Variants in ADAMTSL4 observed in about 807,000 individuals in gnomAD.
ADAMTSL4 encodes the protein ADAMTS-like protein 4.
A neutral mutation model predicts 122.8 loss-of-function variants in ADAMTSL4; 97 were observed. The observed-to-expected ratio is 0.79, with a 90% CI of 0.67 to 0.93. The LOEUF (loss-of-function observed/expected upper bound fraction) is 0.93, where lower values mean the gene tolerates loss of function less well. Ranked by LOEUF, ADAMTSL4 falls within the 40% of genes least tolerant of loss-of-function variation. The probability of loss-of-function intolerance (pLI) is 0.00; values close to 1 mark genes in which losing one functional copy is unlikely to be tolerated. For missense variants in ADAMTSL4, 1,408 were observed against 1,453.5 expected, an observed-to-expected ratio of 0.97 and a Z score of 0.51; for synonymous variants, 592 against 568.0, an observed-to-expected ratio of 1.04 and a Z score of -0.60.
chr1:150,552,420 G>A lies in ADAMTSL4; in HGVS notation c.20+112G>A. The A allele has an allele frequency of 6.4e-7, 1 of 1,551,284 alleles. No homozygotes were observed. Among genetic ancestry groups the A allele is most frequent in the Non-Finnish European group, 8.8e-7 (1 of 1,133,556 alleles). ...CTGGGAGGGGCAGGGGAAGTGATGA[G>A]TAACTTCTGCTTTCTGAGAAGTTGG... On this transcript the variant is annotated intron_variant, in intron 3 of 18. Transcript: ENST00000271643. This position sits in a 1 kb window ranked among gnomAD's most constrained non-coding sequence, Gnocchi z 4.0.
At chr1:150,550,351 T>TGGGGGG in intron 2 of ADAMTSL4, 1 of 214,004 alleles carries the variant, frequency 4.7e-6, no homozygotes. Flanking sequence ...CAGGGGAGGG[T>TGGGGGG]GGGGTGGGAC....
intron 5 of ADAMTSL4, 21 bp downstream of exon 5, chr1:150,553,274 A>T: frequency 6.2e-7 from 1 of 1,610,810 alleles, no homozygotes; most frequent in Non-Finnish European, 8.5e-7. Flanking sequence ...TGGGTGGAAG[A>T]GGTGGGCCTT....
In ADAMTSL4 at chr1:150,553,039, C is replaced by G. The variant is rs747590395; in HGVS notation, c.220C>G (p.Pro74Ala). ...VQRRSRTCQLPTVQLHPSLPL... is the reference protein window; with the variant it reads ...VQRRSRTCQLATVQLHPSLPL... ...GCGCAGGAGCCGGACATGTCAGCTCCCTACAGTGCAGCTCCACCCGAGTCT... is the reference window on the plus strand; with the variant it reads ...GCGCAGGAGCCGGACATGTCAGCTCGCTACAGTGCAGCTCCACCCGAGTCT... Residue 74 changes from proline to alanine, a missense_variant, in exon 5 of 19, where the codon CCT becomes GCT. Transcript: ENST00000271643. The G allele has an allele frequency of 6.2e-7, 1 of 1,613,412 alleles. No individual in the cohort carries two copies. Among genetic ancestry groups the G allele is most frequent in the East Asian group, 2.2e-5 (1 of 44,868 alleles).
rs1263621369 is a variant in ADAMTSL4, at chr1:150,560,720, G to A, written c.*524G>A. On this transcript the variant is annotated 3_prime_UTR_variant, in exon 19 of 19. Coordinates refer to ENST00000271643, the MANE Select transcript of ADAMTSL4 (RefSeq NM_019032.6). Reference sequence around the variant, plus strand: ...GCCTCCCTAATTAGCTAGGGCTGGGGTCAGCCACTGCCAATCCTGCCTTAC... The same window carrying A: ...GCCTCCCTAATTAGCTAGGGCTGGGATCAGCCACTGCCAATCCTGCCTTAC... 1 of 170,420 alleles carries A rather than the reference G, an allele frequency of 5.9e-6. No individual in the cohort carries two copies. The highest frequency in any genetic ancestry group is 1.3e-5 in the Non-Finnish European group (1 of 77,350). The allele number at this position is 170,420 out of a possible 1,614,324, so 10.6% of individuals were successfully genotyped here.
At position 150,559,475 on chromosome 1, in the gene ADAMTSL4, C is replaced by T. The variant is rs1412574405; in HGVS notation, c.2943+9C>T. ...CCACGCCCTGGAGCCCAGTGAGTGT[C>T]TGGCTGCGCTGTCCTGCCCTGCTCA... is the stretch of plus-strand genomic sequence containing the variant. On this transcript the variant is annotated intron_variant, in intron 17 of 18. Coordinates refer to ENST00000271643, the MANE Select transcript of ADAMTSL4 (RefSeq NM_019032.6). The surrounding 1 kb of genome is among the most constrained non-coding windows in gnomAD (Gnocchi z 4.1). 4 of 1,612,924 alleles carry T rather than the reference C, an allele frequency of 2.5e-6. No individual in the cohort carries two copies. The South Asian group carries it at 3.3e-5, about 13-fold the overall frequency.
In ADAMTSL4 at chr1:150,559,855, G is replaced by C. The variant is rs144461282; in HGVS notation, c.3038G>C (p.Arg1013Pro). Residue 1013 changes from arginine (R) to proline (P), a missense_variant, in exon 18 of 19, where the codon CGG becomes CCG. Transcript: ENST00000271643. This position sits in a 1 kb window ranked among gnomAD's most constrained non-coding sequence, Gnocchi z 4.1. ...TLSTRCPPQL[R>P]PSRKRPCNSQ... ...AGCACCCGATGCCCTCCTCAACTGC[G>C]GCCCTCCAGGAAGCGCCCCTGTAAC... is the stretch of plus-strand genomic sequence containing the variant. 32 of 1,613,838 alleles carry C rather than the reference G, an allele frequency of 2.0e-5. No individual in the cohort carries two copies. Among genetic ancestry groups the C allele is most frequent in the Non-Finnish European group, 2.5e-5 (29 of 1,180,012 alleles).
intron 8 of ADAMTSL4, chr1:150,555,835 A>C (rs1339286572): frequency 1.6e-6 from 1 of 610,794 alleles, no homozygotes; most frequent in Non-Finnish European, 2.9e-6. Context: ...ATGCAGACAC[A>C]TGCACACACA....
In ADAMTSL4 at chr1:150,559,829, C is replaced by T; in HGVS notation, c.3012C>T (p.Leu1004=). 1 of 1,614,046 alleles carries T rather than the reference C, an allele frequency of 6.2e-7. No homozygotes were observed. Among genetic ancestry groups the T allele is most frequent in the Non-Finnish European group, 8.5e-7 (1 of 1,180,022 alleles). The change falls in exon 18 of 19, where the codon CTC becomes CTT. Residue 1004 remains leucine (L), a synonymous_variant. Coordinates refer to ENST00000271643, the MANE Select transcript of ADAMTSL4 (RefSeq NM_019032.6). This position sits in a 1 kb window ranked among gnomAD's most constrained non-coding sequence, Gnocchi z 4.1. The stretch of plus-strand genomic sequence containing the variant: ...AGTGCCTGAGCACCAACCAGACCCT[C>T]AGCACCCGATGCCCTCCTCAACTGC... ...EVQCLSTNQT[L]STRCPPQLRP... is the part of the protein sequence containing the mutation.
At position 150,554,441 on chromosome 1, in the gene ADAMTSL4, T is replaced by C. The variant is rs376066523; in HGVS notation, c.1208T>C (p.Leu403Pro). ...AACTCCCAGGAATTCATGGGCCAGC[T>C]GTATCAGTGGGAGCCCTTCACTGAA... is the stretch of plus-strand genomic sequence containing the variant. ...AFNSQEFMGQ[L>P]YQWEPFTEVQ... The change falls in exon 7 of 19, where the codon CTG (leucine) becomes CCG (proline). Residue 403 changes from leucine (L) to proline (P), a missense_variant. Leu to Pro is a moderately conservative substitution (Grantham distance 98). Coordinates refer to ENST00000271643, the MANE Select transcript of ADAMTSL4 (RefSeq NM_019032.6). This position sits in a 1 kb window ranked among gnomAD's most constrained non-coding sequence, Gnocchi z 4.0. The C allele has an allele frequency of 6.2e-7, 1 of 1,614,014 alleles. No individual in the cohort carries two copies. The highest frequency in any genetic ancestry group is 1.3e-5 in the African/African-American group (1 of 74,902).
Position 150,556,443 on chromosome 1 carries a change from G to A in ADAMTSL4, c.1576+77G>A, listed in dbSNP as rs1481709941. On this transcript the variant is annotated intron_variant, in intron 9 of 18. Transcript: ENST00000271643. This position sits in a 1 kb window ranked among gnomAD's most constrained non-coding sequence, Gnocchi z 4.1. ...TACCCCTACTCAGAGCAGTGAGCAAGCCAAACAGGGGGAAGTCCAGGGCCT... is the reference window on the plus strand; with the variant it reads ...TACCCCTACTCAGAGCAGTGAGCAAACCAAACAGGGGGAAGTCCAGGGCCT... 3 of 1,593,006 alleles carry A rather than the reference G, an allele frequency of 1.9e-6. No individual in the cohort carries two copies. Among genetic ancestry groups the A allele is most frequent in the Non-Finnish European group, 2.6e-6 (3 of 1,166,250 alleles).
At chr1:150,555,988 T>C in intron 8 of ADAMTSL4, 174 bp from the exon 9 acceptor site, 1 of 686,194 alleles carries the variant, frequency 1.5e-6, no homozygotes, top group Non-Finnish European at 2.6e-6. Flanking sequence ...CTGAAGGATC[T>C]GATCGGGCAC....
Position 150,554,642 on chromosome 1 carries a change from G to T in ADAMTSL4, c.1234+175G>T. The T allele has an allele frequency of 1.3e-6, 2 of 1,541,204 alleles. No individual in the cohort carries two copies. The highest frequency in any genetic ancestry group is 2.4e-5 in the South Asian group (2 of 84,082). ...CAGGAGACAGCACAGGTGGTGAGTG[G>T]TCTGCAGAAGGGTCGGGGTGGGAGG... On this transcript the variant is annotated intron_variant, in intron 7 of 18. Transcript: ENST00000271643. The surrounding 1 kb of genome is among the most constrained non-coding windows in gnomAD (Gnocchi z 4.0).
Position 150,556,737 on chromosome 1 carries a change from G to A in ADAMTSL4, c.1693G>A (p.Gly565Ser), listed in dbSNP as rs1198881183. 1 of 1,613,924 alleles carries A rather than the reference G, an allele frequency of 6.2e-7. No individual in the cohort carries two copies. The highest frequency in any genetic ancestry group is 8.5e-7 in the Non-Finnish European group (1 of 1,179,884). Residue 565 changes from glycine (G) to serine (S), a missense_variant, in exon 10 of 19, where the codon GGC becomes AGC. Coordinates refer to ENST00000271643, the MANE Select transcript of ADAMTSL4 (RefSeq NM_019032.6). The surrounding 1 kb of genome is among the most constrained non-coding windows in gnomAD (Gnocchi z 4.1). Reference protein sequence around the residue: ...FRYNRPPREEGKGESLSAEGP... With the variant: ...FRYNRPPREESKGESLSAEGP... ...ATATAACCGTCCTCCCAGGGAGGAGGGCAAAGGGGAGAGTCTGTCGGCTGA... is the reference window on the plus strand; with the variant it reads ...ATATAACCGTCCTCCCAGGGAGGAGAGCAAAGGGGAGAGTCTGTCGGCTGA...
Position 150,554,397 on chromosome 1 carries a change from C to T in ADAMTSL4, c.1164C>T (p.Ala388=). 6.2e-7 allele frequency: 1 copy of T among 1,613,926 alleles called. No individual in the cohort carries two copies. The highest frequency in any genetic ancestry group is 8.5e-7 in the Non-Finnish European group (1 of 1,180,030). The change falls in exon 7 of 19, where the codon GCC becomes GCT. Residue 388 remains alanine, a synonymous_variant. Transcript: ENST00000271643. The surrounding 1 kb of genome is among the most constrained non-coding windows in gnomAD (Gnocchi z 4.0). ...PCPPEQPDPR[A]LQCAAFNSQE... is the part of the protein sequence containing the mutation. ...CCCCTGAGCAGCCAGACCCCCGGGC[C>T]CTGCAGTGCGCAGCCTTTAACTCCC... is the stretch of plus-strand genomic sequence containing the variant.
chr1:150,558,665 C>A lies in ADAMTSL4; in HGVS notation c.2559+16C>A. On this transcript the variant is annotated intron_variant, in intron 15 of 18. Coordinates refer to ENST00000271643, the MANE Select transcript of ADAMTSL4 (RefSeq NM_019032.6). ...GAGCTCCAAGGTGAGCCCGGAACCC[C>A]CAGCCATATCCTGCATCCTGGGTAA... The A allele has an allele frequency of 6.2e-7, 1 of 1,613,990 alleles. No individual in the cohort carries two copies.
rs775692968 is a variant in ADAMTSL4, at chr1:150,553,059, G to A, written c.240G>A (p.Pro80=). 18 of 1,613,318 alleles carry A rather than the reference G, an allele frequency of 1.1e-5. No homozygotes were observed. The highest frequency in any genetic ancestry group is 9.9e-5 in the South Asian group (9 of 91,066). ...AGCTCCCTACAGTGCAGCTCCACCC[G>A]AGTCTGCCCCTCCCTCCCCGGCCCC... ...TCQLPTVQLH[P]SLPLPPRPPR... is the part of the protein sequence containing the mutation. Residue 80 remains proline, a synonymous_variant, in exon 5 of 19, where the codon CCG becomes CCA. Coordinates refer to ENST00000271643, the MANE Select transcript of ADAMTSL4 (RefSeq NM_019032.6).
chr1:150,557,202 C>A lies in ADAMTSL4; in HGVS notation c.1914C>A (p.Thr638=). 1.2e-6 allele frequency: 2 copies of A among 1,612,214 alleles called. No individual in the cohort carries two copies. The highest frequency in any genetic ancestry group is 1.7e-6 in the Non-Finnish European group (2 of 1,179,766). The change falls in exon 12 of 19, where the codon ACC becomes ACA. Residue 638 remains threonine (T), a synonymous_variant. Coordinates refer to ENST00000271643, the MANE Select transcript of ADAMTSL4 (RefSeq NM_019032.6). ...PLAPAPRPAR[T]PGTLQRQVRI... ...CTCCGGCACCCCGCCCAGCCCGGAC[C>A]CCAGGCACCCTCCAGCGTCAGGTGC...
chr1:150,554,818 C>G lies in ADAMTSL4; in HGVS notation c.1234+351C>G. On this transcript the variant is annotated intron_variant, in intron 7 of 18. Coordinates refer to ENST00000271643, the MANE Select transcript of ADAMTSL4 (RefSeq NM_019032.6). The surrounding 1 kb of genome is among the most constrained non-coding windows in gnomAD (Gnocchi z 4.0). ...GTGTGCCACGCATCCTGGGCACTGTCGTATCGGTTGCTCCCAGGTTACCAT... is the reference window on the plus strand; with the variant it reads ...GTGTGCCACGCATCCTGGGCACTGTGGTATCGGTTGCTCCCAGGTTACCAT... The G allele has an allele frequency of 1.5e-6, 1 of 666,086 alleles. No individual in the cohort carries two copies. Among genetic ancestry groups the G allele is most frequent in the East Asian group, 2.7e-5 (1 of 36,440 alleles). The allele number at this position is 666,086 out of a possible 1,614,324, so 41.3% of individuals were successfully genotyped here.
chr1:150,553,217 GGA>G lies in ADAMTSL4; in HGVS notation c.404_405del (p.Glu135GlyfsTer47), dbSNP rs770856747. The G allele has an allele frequency of 6.2e-7, 1 of 1,608,282 alleles. No individual in the cohort carries two copies. The highest frequency in any genetic ancestry group is 1.1e-5 in the South Asian group (1 of 90,404). ...CTTCGAGGTCCCGCTTCCCACCTAG[GGA>G]GAGAGGAGACCCAGGAGATTCGAGC... On this transcript the variant is annotated frameshift_variant, in exon 5 of 19. Transcript: ENST00000271643. LOFTEE classifies it high-confidence loss of function.
Sources: allele counts gnomAD v4.1 joint callset, GRCh38; gene constraint gnomAD v4.1.1; non-coding constraint Gnocchi (gnomAD v3.1); transcripts MANE v1.5; gene names NCBI Gene and HGNC (gene_info 2026-07-23, HGNC 2026-07-21).